The following ZNF320 variants were observed in gnomAD, a reference collection of about 807,000 sequenced individuals.
ZNF320 encodes the protein zinc finger protein 320.
ZNF320 carries 2 observed loss-of-function variants against 6.8 expected under a neutral mutation model. The ratio of observed to expected loss-of-function variants is 0.29; its 90% CI spans 0.12 to 0.93. The LOEUF (loss-of-function observed/expected upper bound fraction) is 0.93. ZNF320 is among the 40% of genes least tolerant of loss of function. ZNF320 has a pLI of 0.55. For missense variants in ZNF320, 472 were observed against 611.0 expected, an observed-to-expected ratio of 0.77 and a Z score of 2.40; for synonymous variants, 208 against 203.2, an observed-to-expected ratio of 1.02 and a Z score of -0.20.
exon 6 of ZNF320, among the ~76,000 whole-genome samples, chr19:52,860,976 G>A (rs781602191): frequency 2.0e-5 from 3 of 151,766 alleles, no homozygotes; most frequent in African/African-American, 4.9e-5. Context: ...CTGCACTTTA[G>A]TCTGGGCGAC....
At chr19:52,866,706 A>T (rs970645272) in intron 5 of ZNF320, among the ~76,000 whole-genome samples, 9 of 152,034 alleles carry the variant, frequency 5.9e-5, no homozygotes, top group African/African-American at 2.2e-4. Context: ...CGCCATCTCT[A>T]CTAAAAATAT....
intron 5 of ZNF320, among the ~76,000 whole-genome samples, chr19:52,886,767 C>T (rs1055109389): frequency 6.6e-6 from 1 of 152,036 alleles, no homozygotes; most frequent in Non-Finnish European, 1.5e-5. Flanking sequence ...GAAACCCCAT[C>T]TCTACTAAAA....
chr19:52,896,308 C>A (rs2064470346), intron 1 of ZNF320, among the ~76,000 whole-genome samples: 1 of 152,200 alleles, frequency 6.6e-6, no homozygotes, highest in Non-Finnish European at 1.5e-5. Context: ...CTAGGCTGGT[C>A]TCGAACTCCT....
rs550358731 is a variant in ZNF320 at position 52,863,163 on chromosome 19, C to A, written c.*866G>T. ...TTAGTAGAGACAGGGTTTTGTGATG[C>A]TGGCCAGACTGGTCTCGAACTCCTT... On this transcript the variant is annotated 3_prime_UTR_variant, in exon 6 of 6. Coordinates refer to the ZNF320 transcript ENST00000673631. 5.3e-3 allele frequency among the ~76,000 whole-genome samples: 801 copies of A among 152,176 alleles called. 9 individuals carry two copies. Among genetic ancestry groups the A allele is most frequent in the African/African-American group, 0.016 (682 of 41,530 alleles).
chr19:52,871,496 G>A (rs2063679794), downstream of ZNF320, among the ~76,000 whole-genome samples: 1 of 152,024 alleles, frequency 6.6e-6, no homozygotes, highest in East Asian at 1.9e-4. Flanking sequence ...TCCACCCTAA[G>A]TGACAGAGTG....
intron 4 of ZNF320, among the ~76,000 whole-genome samples, chr19:52,888,782 AG>A (rs1487530348): frequency 1.3e-5 from 2 of 152,174 alleles, no homozygotes; most frequent in Non-Finnish European, 2.9e-5. Flanking sequence ...AAAATATAAA[AG>A]ATTTTCAAAA....
Position 52,881,863 on chromosome 19 carries a change from T to C in ZNF320, c.263A>G (p.Gln88Arg), listed in dbSNP as rs760764283. ...GTCATGAATGTCTTTCTCAATTTCC[T>C]GGGAGCAAAATGCTCCAATGTGATA... ...ASYHIGAFCS[Q>R]EIEKDIHDFV... is the part of the protein sequence containing the mutation. The change falls in exon 6 of 6, where the codon CAG (glutamine) becomes CGG (arginine). Residue 88 changes from glutamine (Q) to arginine (R), a missense_variant. Physicochemically the swap from Gln to Arg is conservative, Grantham distance 43 (BLOSUM62 1). This residue lies in a region of ZNF320 where 462 missense variants were observed against 559.7 expected (regional missense o/e 0.83). Transcript: ENST00000682928. 1.9e-6 allele frequency: 3 copies of C among 1,613,936 alleles called. No individual in the cohort carries two copies. Among genetic ancestry groups the C allele is most frequent in the Non-Finnish European group, 1.7e-6 (2 of 1,179,856 alleles).
chr19:52,895,967 A>ATATACATTTTTAGATG (rs1424623828), intron 1 of ZNF320, among the ~76,000 whole-genome samples: 3 of 152,226 alleles, frequency 2.0e-5, no homozygotes, highest in African/African-American at 7.2e-5. Flanking sequence ...GGTTAAAAAT[A>ATATACATTTTTAGATG]TATACATCTA....
At chr19:52,898,879 C>T (rs28415685), upstream of ZNF320, among the ~76,000 whole-genome samples, 1 of 151,654 alleles carries the variant, frequency 6.6e-6, no homozygotes, top group South Asian at 2.1e-4. Context: ...CAGGCAGGCC[C>T]AGGCCTGGTT....
intron 5 of ZNF320, 72 bp from the exon 6 acceptor site, chr19:52,882,055 C>G: frequency 1.5e-6 from 2 of 1,357,162 alleles, no homozygotes; most frequent in South Asian, 1.5e-5. Context: ...GTATAAATAT[C>G]ACACACACAC....
At chr19:52,903,054 A>G in the ZNF320 span, among the ~76,000 whole-genome samples, 1 of 152,298 alleles carries the variant, frequency 6.6e-6, no homozygotes, top group East Asian at 1.9e-4. Context: ...TACTATAGGT[A>G]TATTTTACTT....
intron 5 of ZNF320, among the ~76,000 whole-genome samples, chr19:52,864,819 C>G (rs2063515433): frequency 6.6e-6 from 1 of 150,908 alleles, no homozygotes; most frequent in Non-Finnish European, 1.5e-5. Context: ...CGAGACCATC[C>G]TGGCTAACAC....
upstream of ZNF320, among the ~76,000 whole-genome samples, chr19:52,900,942 C>G (rs560662932): frequency 6.1e-4 from 91 of 150,204 alleles, no homozygotes; most frequent in African/African-American, 2.1e-3. Flanking sequence ...AACTTTTTTT[C>G]TAATTTAGAG....
chr19:52,865,721 ATATT>A (rs2063545854), intron 5 of ZNF320, among the ~76,000 whole-genome samples: 2 of 112,838 alleles, frequency 1.8e-5, no homozygotes, highest in Admixed American at 9.5e-5. Context: ...GATTATACAC[ATATT>A]TATATATATG....
At chr19:52,898,244 C>T (rs1600668175), upstream of ZNF320, among the ~76,000 whole-genome samples, 1 of 152,216 alleles carries the variant, frequency 6.6e-6, no homozygotes, top group Non-Finnish European at 1.5e-5. Context: ...CTGTGCTCAG[C>T]TCCAGAGACT....
At chr19:52,904,183 C>A in the ZNF320 span, among the ~76,000 whole-genome samples, 1 of 152,370 alleles carries the variant, frequency 6.6e-6, no homozygotes, top group Admixed American at 6.5e-5. Flanking sequence ...TCCGTGGGGG[C>A]CTGCTATGCA....
downstream of ZNF320, among the ~76,000 whole-genome samples, chr19:52,875,024 C>A (rs755758100): frequency 2.1e-4 from 32 of 152,294 alleles, no homozygotes; most frequent in Non-Finnish European, 4.1e-4. Context: ...GGCCTTGAAA[C>A]ATTTTTCTCC....
At chr19:52,892,652 C>T (rs902482903) in intron 2 of ZNF320, among the ~76,000 whole-genome samples, 1 of 152,142 alleles carries the variant, frequency 6.6e-6, no homozygotes, top group Non-Finnish European at 1.5e-5. Flanking sequence ...TGCTCCTTCT[C>T]CCCAATCTTT....
At chr19:52,886,950 G>GAAGA (rs1246139147) in intron 5 of ZNF320, among the ~76,000 whole-genome samples, 44 of 130,054 alleles carry the variant, frequency 3.4e-4, no homozygotes, top group African/African-American at 1.1e-3. Context: ...AGAAAGAAAA[G>GAAGA]AAGAAAGAAA....
Sources: allele counts gnomAD v4.1 joint callset (sites outside exome capture counted in the v4.1 genomes callset), GRCh38; gene constraint gnomAD v4.1.1; regional missense constraint gnomAD v4.1.1; transcripts MANE v1.5; gene names NCBI Gene and HGNC (gene_info 2026-07-23, HGNC 2026-07-21).